FHIT: variants seen among roughly 807,000 people sequenced by gnomAD.
FHIT encodes the protein fragile histidine triad diadenosine triphosphatase, also known as bis(5'-adenosyl)-triphosphatase.
Under a neutral mutation model 17.9 loss-of-function variants are expected in FHIT, and 19 were observed. The observed-to-expected ratio is 1.06, with a 90% CI of 0.74 to 1.56. The LOEUF (loss-of-function observed/expected upper bound fraction) is 1.56, where lower values mean the gene tolerates loss of function less well. Among genes scored for constraint, FHIT ranks in the 40% most tolerant of loss-of-function variants. The pLI is 0.00. For missense variants in FHIT, 248 were observed against 189.2 expected, an observed-to-expected ratio of 1.31 and a Z score of -1.82; for synonymous variants, 81 against 69.7, an observed-to-expected ratio of 1.16 and a Z score of -0.81.
intron 1 of FHIT, among the ~76,000 whole-genome samples, chr3:61,217,062 T>TGCA (rs1054059429): frequency 8.6e-5 from 13 of 151,804 alleles, no homozygotes; most frequent in African/African-American, 2.7e-4. Flanking sequence ...AGTTAATGAG[T>TGCA]GCAGCACACC....
chr3:60,230,243 G>C (rs1485333409), intron 5 of FHIT, among the ~76,000 whole-genome samples: 1 of 152,132 alleles, frequency 6.6e-6, no homozygotes, highest in Non-Finnish European at 1.5e-5. Flanking sequence ...TTTCAATGCA[G>C]AAAGTTTTAA....
intron 5 of FHIT, among the ~76,000 whole-genome samples, chr3:60,347,689 G>GGTTTTTTTTTTTTT (rs1553750581): frequency 2.3e-5 from 2 of 85,304 alleles, no homozygotes; most frequent in Non-Finnish European, 4.8e-5. Flanking sequence ...GGGGGGGGGG[G>GGTTTTTTTTTTTTT]TTTGTTTTTT....
At chr3:61,022,075 T>TC (rs2032469573) in intron 3 of FHIT, among the ~76,000 whole-genome samples, 2 of 151,768 alleles carry the variant, frequency 1.3e-5, no homozygotes, top group Non-Finnish European at 2.9e-5. Context: ...TTTGAAAAGA[T>TC]TAACAAAATA....
intron 5 of FHIT, among the ~76,000 whole-genome samples, chr3:60,422,949 T>A (rs538311644): frequency 1.3e-5 from 2 of 152,178 alleles, no homozygotes; most frequent in African/African-American, 2.4e-5. Flanking sequence ...TGAGATGAAA[T>A]CTACTCTTAA....
intron 8 of FHIT, among the ~76,000 whole-genome samples, chr3:59,866,652 G>A (rs985303172): frequency 6.6e-6 from 1 of 152,132 alleles, no homozygotes; most frequent in African/African-American, 2.4e-5. Flanking sequence ...TAAATCTGAT[G>A]GGACTAAAGG....
intron 5 of FHIT, among the ~76,000 whole-genome samples, chr3:60,254,635 T>C (rs1170472279): frequency 6.6e-6 from 1 of 152,198 alleles, no homozygotes; most frequent in African/African-American, 2.4e-5. Flanking sequence ...ATTAGGTTTC[T>C]ACAGGAGTAA....
chr3:60,589,021 C>T (rs2037995314), intron 4 of FHIT, among the ~76,000 whole-genome samples: 1 of 151,988 alleles, frequency 6.6e-6, no homozygotes. Flanking sequence ...AGAAAGACTC[C>T]TCGTTGGAGC....
chr3:61,008,481 A>T (rs1226395864), intron 3 of FHIT, among the ~76,000 whole-genome samples: 1 of 147,524 alleles, frequency 6.8e-6, no homozygotes, highest in Non-Finnish European at 1.5e-5. Flanking sequence ...GGCTAGGAAG[A>T]AAAAAAAAAA....
chr3:59,752,222 T>C lies in FHIT; in HGVS notation c.*4A>G. 6.2e-7 allele frequency: 1 copy of C among 1,608,946 alleles called. No individual in the cohort carries two copies. Among genetic ancestry groups the C allele is most frequent in the Non-Finnish European group, 8.5e-7 (1 of 1,175,926 alleles). On this transcript the variant is annotated splice_region_variant and 3_prime_UTR_variant, in exon 9 of 10. Transcript: ENST00000492590. Reference sequence around the variant, plus strand: ...GTAATGACGAAATGCAGTCTTTACCTGTGTCACTGAAAGTAGACCCGCAGA... The same window carrying C: ...GTAATGACGAAATGCAGTCTTTACCCGTGTCACTGAAAGTAGACCCGCAGA...
chr3:60,747,912 G>A (rs2042391101), intron 4 of FHIT, among the ~76,000 whole-genome samples: 1 of 152,208 alleles, frequency 6.6e-6, no homozygotes, highest in Admixed American at 6.5e-5. Context: ...CCCAGGTAGA[G>A]TAAAAACAGA....
intron 8 of FHIT, among the ~76,000 whole-genome samples, chr3:59,763,038 T>C (rs1021477332): frequency 2.6e-5 from 4 of 152,212 alleles, no homozygotes; most frequent in Admixed American, 1.3e-4. Flanking sequence ...TGTAAGCCTT[T>C]TTCCCCCCCG....
chr3:60,046,323 CA>C (rs1254659209), intron 5 of FHIT, among the ~76,000 whole-genome samples: 1 of 152,130 alleles, frequency 6.6e-6, no homozygotes, highest in African/African-American at 2.4e-5. Flanking sequence ...GGATTTTGAA[CA>C]GAACACCAAT....
chr3:60,623,131 G>C (rs2039181104), intron 4 of FHIT, among the ~76,000 whole-genome samples: 1 of 152,206 alleles, frequency 6.6e-6, no homozygotes. Context: ...ACACATAGTA[G>C]ATACGTAACA....
chr3:59,901,603 A>T (rs1377561573), intron 8 of FHIT, among the ~76,000 whole-genome samples: 1 of 152,182 alleles, frequency 6.6e-6, no homozygotes, highest in African/African-American at 2.4e-5. Context: ...GCTTATTCGG[A>T]TGACTATAAT....
chr3:59,962,349 T>A lies in FHIT; in HGVS notation c.280-39935A>T, dbSNP rs193005244. 4.5e-3 allele frequency among the ~76,000 whole-genome samples: 687 copies of A among 152,344 alleles called. 7 individuals are homozygous for A. Among genetic ancestry groups the A allele is most frequent in the African/African-American group, 0.015 (634 of 41,580 alleles). ...TTTTCTTCTTAAGAGCTACTTCATT[T>A]CATTGTTCAAAGTTTAGTGAGAGCC... On this transcript the variant is annotated intron_variant, in intron 7 of 9. Transcript: ENST00000492590.
intron 5 of FHIT, among the ~76,000 whole-genome samples, chr3:60,021,905 C>T (rs12632711): frequency 0.11 from 16,712 of 152,070 alleles, 1,728 homozygotes; most frequent in East Asian, 0.29. Context: ...AAAAACTGTG[C>T]GGTCAAAGAA....
intron 8 of FHIT, among the ~76,000 whole-genome samples, chr3:59,779,672 C>T (rs1363825051): frequency 1.3e-5 from 2 of 151,956 alleles, no homozygotes; most frequent in South Asian, 2.1e-4. Context: ...TACACTGATC[C>T]GGGCATACGA....
At chr3:60,771,387 T>C (rs1242884439) in intron 4 of FHIT, among the ~76,000 whole-genome samples, 14 of 152,226 alleles carry the variant, frequency 9.2e-5, no homozygotes, top group Non-Finnish European at 1.9e-4. Flanking sequence ...CTCCAAAGTG[T>C]TAAATATCTG....
intron 3 of FHIT, among the ~76,000 whole-genome samples, chr3:61,016,830 T>A (rs2028279): frequency 0.9 from 137,203 of 152,320 alleles, 61,894 homozygotes; most frequent in East Asian, 0.99. Flanking sequence ...ATTTACAAAC[T>A]CTATCTGTTC....
Sources: gnomAD v4.1 joint callset for allele counts (sites outside exome capture counted in the v4.1 genomes callset) on GRCh38, gnomAD v4.1.1 for gene constraint, MANE v1.5 for transcripts, NCBI Gene and HGNC (gene_info 2026-07-23, HGNC 2026-07-21) for gene names.